The following HLF variants were observed in gnomAD, a reference collection of about 807,000 sequenced individuals.
HLF encodes the protein HLF transcription factor, PAR bZIP family member, also known as hepatic leukemia factor.
A neutral mutation model predicts 22.6 loss-of-function variants in HLF; 3 were observed. The ratio of observed to expected loss-of-function variants is 0.13; its 90% confidence interval spans 0.06 to 0.34. The LOEUF (loss-of-function observed/expected upper bound fraction) is 0.34. Among genes scored for constraint, HLF ranks in the 10% least tolerant of loss-of-function variants. HLF has a pLI of 1.00. For synonymous variants in HLF, 151 were observed against 151.8 expected (o/e 0.99, Z 0.04); for missense variants, 299 against 389.2 (o/e 0.77, Z 1.95).
At chr17:55,273,439 C>T (rs553220069) in intron 2 of HLF, 3 of 152,270 alleles carry the variant, frequency 2.0e-5, no homozygotes, top group African/African-American at 7.2e-5. Context: ...TTTATCCAGT[C>T]CCCTTCCCTC....
chr17:55,284,361 C>T (rs976672944), intron 2 of HLF, among the ~76,000 whole-genome samples: 1 of 152,200 alleles, frequency 6.6e-6, no homozygotes. Context: ...TAGGGATTTA[C>T]AAAAGAGTTC....
At chr17:55,313,188 AG>A (rs1455281286) in intron 2 of HLF, among the ~76,000 whole-genome samples, 1 of 152,216 alleles carries the variant, frequency 6.6e-6, no homozygotes, top group African/African-American at 2.4e-5. Context: ...TGTTATTGTT[AG>A]AATGTCCATG....
At chr17:55,288,413 G>T (rs974950374) in intron 2 of HLF, among the ~76,000 whole-genome samples, 1 of 152,116 alleles carries the variant, frequency 6.6e-6, no homozygotes, top group African/African-American at 2.4e-5. Context: ...TTCCCAAAGT[G>T]CTGGGATTGC....
chr17:55,310,326 C>G (rs1904772386), intron 2 of HLF, among the ~76,000 whole-genome samples: 1 of 152,116 alleles, frequency 6.6e-6, no homozygotes, highest in South Asian at 2.1e-4. Flanking sequence ...TTTGGAAATA[C>G]CAAGCTCAGA....
At chr17:55,318,096 G>A (rs545973574) in intron 3 of HLF, among the ~76,000 whole-genome samples, 2 of 150,998 alleles carry the variant, frequency 1.3e-5, no homozygotes, top group Non-Finnish European at 3.0e-5. Context: ...TGTTGGGTGG[G>A]GCGGGGCTAA....
Position 55,265,358 on chromosome 17 carries a change from T to A in HLF, c.-127T>A. 3.2e-6 allele frequency: 2 copies of A among 621,216 alleles called. No individual in the cohort carries two copies. Among genetic ancestry groups the A allele is most frequent in the Non-Finnish European group, 2.8e-6 (1 of 352,078 alleles). The allele number at this position is 621,216 out of a possible 1,614,324, so 38.5% of individuals were successfully genotyped here. On this transcript the variant is annotated 5_prime_UTR_variant, in exon 1 of 4. Transcript: ENST00000226067. ...AGATATAAGTAATTTTTTTCTTCCCTTTTCTCCACCGCCTTGAGAGCGAGT... is the reference window on the plus strand; with the variant it reads ...AGATATAAGTAATTTTTTTCTTCCCATTTCTCCACCGCCTTGAGAGCGAGT...
chr17:55,290,480 TTGATGTTACTA>T (rs1166750015), intron 2 of HLF, among the ~76,000 whole-genome samples: 1 of 152,192 alleles, frequency 6.6e-6, no homozygotes, highest in Non-Finnish European at 1.5e-5. Context: ...TCAGTGATCT[TTGATGTTACTA>T]TTGTTATTGT....
chr17:55,305,387 T>G (rs570083236), intron 2 of HLF, among the ~76,000 whole-genome samples: 1 of 152,298 alleles, frequency 6.6e-6, no homozygotes, highest in African/African-American at 2.4e-5. Context: ...CCTGGCTGCC[T>G]GGAGCTTCCT....
chr17:55,276,741 G>A (rs903496855), intron 2 of HLF, among the ~76,000 whole-genome samples: 7 of 152,236 alleles, frequency 4.6e-5, no homozygotes, highest in Non-Finnish European at 1.0e-4. Context: ...GTACCAGGCT[G>A]CAGAGCTTGA....
intron 2 of HLF, chr17:55,272,671 G>A (rs1009781656): frequency 2.6e-5 from 4 of 152,316 alleles, no homozygotes; most frequent in Non-Finnish European, 4.4e-5. Flanking sequence ...GAAGGTTTGG[G>A]TATGGAAGGA....
In HLF at chr17:55,321,372, G is replaced by T; in HGVS notation, c.*493G>T. On this transcript the variant is annotated 3_prime_UTR_variant, in exon 4 of 4. Coordinates refer to ENST00000226067, the MANE Select transcript of HLF (RefSeq NM_002126.5). ...CCGTAAGTTACCATGCTAATGAGGT[G>T]CACACAATAACTTAGCACTACTCCG... The T allele has an allele frequency of 4.2e-6, 1 of 237,944 alleles. No homozygotes were observed. The highest frequency in any genetic ancestry group is 8.3e-6 in the Non-Finnish European group (1 of 120,418). 14.7% of individuals were successfully genotyped at this position (237,944 alleles called of 1,614,324 possible).
intron 2 of HLF, among the ~76,000 whole-genome samples, chr17:55,292,299 C>G (rs1249421416): frequency 2.0e-5 from 3 of 152,134 alleles, no homozygotes; most frequent in Non-Finnish European, 2.9e-5. Flanking sequence ...ACTTCATTGT[C>G]GTGTTATTTT....
At chr17:55,302,852 A>G (rs766867432) in intron 2 of HLF, among the ~76,000 whole-genome samples, 24 of 152,326 alleles carry the variant, frequency 1.6e-4, no homozygotes, top group Non-Finnish European at 2.9e-4. Flanking sequence ...GACTCCAGGT[A>G]TGGGAGAACT....
chr17:55,307,840 A>C (rs1598406364), intron 2 of HLF, among the ~76,000 whole-genome samples: 2 of 151,964 alleles, frequency 1.3e-5, no homozygotes, highest in South Asian at 4.1e-4. Flanking sequence ...TAAAAAAAAA[A>C]AAAAAACATC....
chr17:55,308,137 G>T (rs1298128381), intron 2 of HLF, among the ~76,000 whole-genome samples: 1 of 152,196 alleles, frequency 6.6e-6, no homozygotes, highest in East Asian at 1.9e-4. Context: ...GTTTGATATG[G>T]AGATGTGACC....
At chr17:55,279,886 T>C (rs2080938348) in intron 2 of HLF, among the ~76,000 whole-genome samples, 1 of 152,122 alleles carries the variant, frequency 6.6e-6, no homozygotes, top group South Asian at 2.1e-4. Context: ...TTCATATAAG[T>C]ATATGGAACC....
intron 2 of HLF, among the ~76,000 whole-genome samples, chr17:55,279,025 T>A (rs1394756836): frequency 1.3e-5 from 2 of 152,240 alleles, no homozygotes; most frequent in African/African-American, 2.4e-5. Context: ...TTCATAAAAT[T>A]CATTTCATTA....
intron 2 of HLF, among the ~76,000 whole-genome samples, chr17:55,292,700 T>C (rs73314545): frequency 0.022 from 3,337 of 152,300 alleles, 126 homozygotes; most frequent in African/African-American, 0.077. Flanking sequence ...CCATGTTTAT[T>C]GCAGCACTAT....
intron 2 of HLF, among the ~76,000 whole-genome samples, chr17:55,310,398 T>C (rs1418538763): frequency 1.3e-5 from 2 of 152,188 alleles, no homozygotes; most frequent in Non-Finnish European, 2.9e-5. Flanking sequence ...CAAAAGGCAT[T>C]TAAGAGAACT....
Sources: allele counts gnomAD v4.1 joint callset (sites outside exome capture counted in the v4.1 genomes callset), GRCh38; gene constraint gnomAD v4.1.1; transcripts MANE v1.5; gene names NCBI Gene and HGNC (gene_info 2026-07-23, HGNC 2026-07-21).